LYPD6B: variants seen among roughly 807,000 people sequenced by gnomAD.
LYPD6B encodes ly6/PLAUR domain-containing protein 6B.
LYPD6B carries 17 observed loss-of-function variants against 22.8 expected under a neutral mutation model. That is an observed-to-expected ratio of 0.75 (90% confidence interval 0.51 to 1.12). The LOEUF is 1.12. Among genes scored for constraint, LYPD6B ranks in the 50% most tolerant of loss-of-function variants. The pLI is 0.00. For missense variants in LYPD6B, 221 were observed against 258.3 expected (o/e 0.86, Z 0.99); for synonymous variants, 106 against 91.6 (o/e 1.16, Z -0.90).
chr2:149,105,219 A>G (rs1304774797), intron 1 of LYPD6B, among the ~76,000 whole-genome samples: 1 of 152,116 alleles, frequency 6.6e-6, no homozygotes, highest in Non-Finnish European at 1.5e-5. Context: ...CCCATGTGCC[A>G]CCCTTGTCTT....
chr2:149,187,568 G>A (rs1692202705), intron 3 of LYPD6B: 1 of 1,419,496 alleles, frequency 7.0e-7, no homozygotes, highest in Non-Finnish European at 9.2e-7. Context: ...ACAACATGAA[G>A]CCTGACACAT....
chr2:149,073,080 A>G (rs1232137659), intron 1 of LYPD6B, among the ~76,000 whole-genome samples: 1 of 152,162 alleles, frequency 6.6e-6, no homozygotes, highest in Non-Finnish European at 1.5e-5. Context: ...TTCATGGGTA[A>G]TGCATGCCCA....
At chr2:149,109,930 C>G (rs563046335) in intron 1 of LYPD6B, among the ~76,000 whole-genome samples, 2 of 152,138 alleles carry the variant, frequency 1.3e-5, no homozygotes, top group South Asian at 4.2e-4. Flanking sequence ...AGGCTGGTCT[C>G]GAACTCCTGA....
At chr2:149,075,353 A>G (rs941322795) in intron 1 of LYPD6B, among the ~76,000 whole-genome samples, 2 of 151,612 alleles carry the variant, frequency 1.3e-5, no homozygotes, top group African/African-American at 4.9e-5. Context: ...GACTGTTTCT[A>G]TTTAGATGGG....
chr2:149,144,540 C>T lies in LYPD6B; in HGVS notation c.5+13587C>T, dbSNP rs191075227. 2.7e-4 allele frequency among the ~76,000 whole-genome samples: 41 copies of T among 152,130 alleles called. No homozygotes were observed. The East Asian group carries it at 7.2e-3, about 27-fold the overall frequency. On this transcript the variant is annotated intron_variant, in intron 2 of 6. Coordinates refer to ENST00000409642, the MANE Select transcript of LYPD6B (RefSeq NM_177964.5). Reference sequence around the variant, plus strand: ...CCAAATAGCTGGGATTACAGGCACCCGCCACCACGCCTGGCTAATTTTTGT... The same window carrying T: ...CCAAATAGCTGGGATTACAGGCACCTGCCACCACGCCTGGCTAATTTTTGT...
chr2:149,069,747 G>A (rs1446981794), intron 1 of LYPD6B, among the ~76,000 whole-genome samples: 2 of 151,996 alleles, frequency 1.3e-5, no homozygotes, highest in African/African-American at 2.4e-5. Context: ...CAGCATCACC[G>A]AGTGCCCAGT....
chr2:149,136,568 T>G (rs975158225), intron 2 of LYPD6B, among the ~76,000 whole-genome samples: 4 of 152,222 alleles, frequency 2.6e-5, no homozygotes, highest in African/African-American at 9.6e-5. Context: ...CTGAAAGATT[T>G]TACTGTGTTC....
chr2:149,212,992 A>T lies in LYPD6B; in HGVS notation c.329A>T (p.Asn110Ile). ...TTGTTTTTTGTTTCCTCTTGCCTAG[A>T]TACACAGTACTGTTTGACAGTTCAT... ...RWAEDKWCPQ[N>I]TQYCLTVHHF... is the part of the protein sequence containing the mutation. The change falls in exon 6 of 7, where the codon AAT (asparagine) becomes ATT (isoleucine). Residue 110 changes from asparagine to isoleucine, a missense_variant and splice_region_variant. Transcript: ENST00000409642. The T allele has an allele frequency of 6.2e-7, 1 of 1,613,454 alleles. No homozygotes were observed. Among genetic ancestry groups the T allele is most frequent in the Non-Finnish European group, 8.5e-7 (1 of 1,179,706 alleles).
At chr2:149,160,546 G>A (rs1689990293) in intron 2 of LYPD6B, 4 of 643,794 alleles carry the variant, frequency 6.2e-6, no homozygotes, top group East Asian at 3.1e-5. Context: ...TTAATAAAAC[G>A]CTAGCTCACA....
At chr2:149,130,287 A>C (rs1687945309) in intron 1 of LYPD6B, among the ~76,000 whole-genome samples, 1 of 152,142 alleles carries the variant, frequency 6.6e-6, no homozygotes, top group Admixed American at 6.5e-5. Flanking sequence ...CTAGGGGAAA[A>C]AGCTCTTTAA....
At chr2:149,103,921 C>T (rs1299822989) in intron 1 of LYPD6B, among the ~76,000 whole-genome samples, 3 of 151,696 alleles carry the variant, frequency 2.0e-5, no homozygotes, top group Non-Finnish European at 4.4e-5. Flanking sequence ...GTATTACAGG[C>T]TCATGCTGCC....
intron 4 of LYPD6B, among the ~76,000 whole-genome samples, chr2:149,207,931 AG>A (rs1693602713): frequency 7.2e-5 from 11 of 152,096 alleles, no homozygotes; most frequent in African/African-American, 2.7e-4. Flanking sequence ...ATTCAAACTC[AG>A]GTTAATCTGA....
chr2:149,175,029 C>CTG (rs1691175404), intron 3 of LYPD6B, among the ~76,000 whole-genome samples: 3 of 105,024 alleles, frequency 2.9e-5, no homozygotes, highest in Non-Finnish European at 3.9e-5. Context: ...TTTAATCTCT[C>CTG]TCTCTCTCTC....
intron 3 of LYPD6B, among the ~76,000 whole-genome samples, chr2:149,175,358 G>C (rs897703019): frequency 1.3e-5 from 2 of 152,024 alleles, no homozygotes; most frequent in Non-Finnish European, 2.9e-5. Context: ...TAAAAATACT[G>C]TATGAAAGAT....
At chr2:149,043,857 A>G (rs1174055094) in intron 1 of LYPD6B, among the ~76,000 whole-genome samples, 8 of 152,102 alleles carry the variant, frequency 5.3e-5, no homozygotes, top group Non-Finnish European at 1.0e-4. Context: ...TGGGAGTCCA[A>G]ATGTTCCAGC....
chr2:149,199,952 G>A (rs933582703), intron 3 of LYPD6B, among the ~76,000 whole-genome samples: 1 of 152,154 alleles, frequency 6.6e-6, no homozygotes, highest in African/African-American at 2.4e-5. Flanking sequence ...TGCCAACCTG[G>A]CCTAACAGCC....
rs544146918 is a variant in LYPD6B, at chr2:149,070,409, C to T, written c.-67+31608C>T. Among the ~76,000 whole-genome samples, 46 of 152,178 alleles carry T rather than the reference C, an allele frequency of 3.0e-4. 1 individual carries two copies. The highest frequency in any genetic ancestry group is 3.9e-4 in the East Asian group (2 of 5,176). On this transcript the variant is annotated intron_variant, in intron 1 of 6. Transcript: ENST00000409642. ...GCTTCTTAATTTTTCTTCTCTTTAG[C>T]GCTTATTAATATCTAACACACTATA...
chr2:149,099,663 AC>A (rs556403745), intron 1 of LYPD6B, among the ~76,000 whole-genome samples: 164 of 152,308 alleles, frequency 1.1e-3, no homozygotes, highest in African/African-American at 3.8e-3. Context: ...TGTCCATGGC[AC>A]CAGGGCAATG....
chr2:149,099,224 C>T (rs1014004552), intron 1 of LYPD6B, among the ~76,000 whole-genome samples: 4 of 152,068 alleles, frequency 2.6e-5, no homozygotes, highest in African/African-American at 9.7e-5. Context: ...CAGTTAAACC[C>T]GAATTACAGT....
Sources: gnomAD v4.1 joint callset for allele counts (sites outside exome capture counted in the v4.1 genomes callset) on GRCh38, gnomAD v4.1.1 for gene constraint, MANE v1.5 for transcripts, NCBI Gene and HGNC (gene_info 2026-07-23, HGNC 2026-07-21) for gene names.